Variants in FSTL5 observed in about 807,000 individuals in gnomAD.
FSTL5 encodes the protein follistatin-related protein 5.
A neutral mutation model predicts 89.1 loss-of-function variants in FSTL5; 62 were observed. The ratio of observed to expected loss-of-function variants is 0.70; its 90% CI spans 0.57 to 0.86. FSTL5 has a LOEUF of 0.86. Ranked by LOEUF, FSTL5 falls within the 40% of genes least tolerant of loss-of-function variation. The probability of loss-of-function intolerance (pLI) is 0.00; values close to 1 mark genes in which losing one functional copy is unlikely to be tolerated. For missense variants in FSTL5, 1,057 were observed against 1,001.6 expected, an observed-to-expected ratio of 1.06 and a Z score of -0.75; for synonymous variants, 383 against 346.2, an observed-to-expected ratio of 1.11 and a Z score of -1.18.
At chr4:161,548,321 C>A (rs1732074504) in intron 8 of FSTL5, among the ~76,000 whole-genome samples, 1 of 151,590 alleles carries the variant, frequency 6.6e-6, no homozygotes. Flanking sequence ...ATGTACTGTT[C>A]AATAATGAAA....
intron 4 of FSTL5, among the ~76,000 whole-genome samples, chr4:161,888,590 C>G (rs1313259012): frequency 6.6e-6 from 1 of 152,116 alleles, no homozygotes; most frequent in Non-Finnish European, 1.5e-5. Flanking sequence ...AGAAATTTCA[C>G]TGACATTTTC....
chr4:162,128,443 G>C (rs1732168541), intron 1 of FSTL5, among the ~76,000 whole-genome samples: 1 of 152,124 alleles, frequency 6.6e-6, no homozygotes. Flanking sequence ...TATGAAAAAG[G>C]GTTAAGAGTG....
At chr4:161,434,309 AAC>A (rs549314220) in intron 15 of FSTL5, among the ~76,000 whole-genome samples, 1 of 152,186 alleles carries the variant, frequency 6.6e-6, no homozygotes, top group African/African-American at 2.4e-5. Flanking sequence ...TTCAGGAAAA[AAC>A]AGTTTCTTCA....
At chr4:161,771,549 T>TA (rs1185526244) in intron 5 of FSTL5, among the ~76,000 whole-genome samples, 5 of 152,112 alleles carry the variant, frequency 3.3e-5, no homozygotes, top group Admixed American at 3.3e-4. Context: ...AGATAACTTA[T>TA]AAAAAATATC....
intron 4 of FSTL5, among the ~76,000 whole-genome samples, chr4:161,780,362 T>C (rs1264748325): frequency 6.6e-6 from 1 of 152,084 alleles, no homozygotes; most frequent in African/African-American, 2.4e-5. Flanking sequence ...GTTACTTTGA[T>C]AGAATCATTT....
intron 8 of FSTL5, among the ~76,000 whole-genome samples, chr4:161,579,161 T>C (rs1733339354): frequency 6.6e-6 from 1 of 152,178 alleles, no homozygotes; most frequent in South Asian, 2.1e-4. Flanking sequence ...AGAAGTTAAA[T>C]GTTTGATAAT....
intron 15 of FSTL5, among the ~76,000 whole-genome samples, chr4:161,415,654 A>G (rs1250782028): frequency 3.3e-5 from 4 of 122,360 alleles, no homozygotes; most frequent in Admixed American, 8.3e-5. Context: ...TAGGGGATAC[A>G]TATATATATA....
chr4:161,388,545 C>G (rs536653747), intron 15 of FSTL5: 1 of 152,124 alleles, frequency 6.6e-6, no homozygotes, highest in Admixed American at 6.5e-5. Context: ...TAATGAACTC[C>G]ATTTACTATA....
chr4:161,824,009 T>C (rs930572030), intron 4 of FSTL5, among the ~76,000 whole-genome samples: 1 of 152,226 alleles, frequency 6.6e-6, no homozygotes, highest in African/African-American at 2.4e-5. Flanking sequence ...AGAAGGTTTT[T>C]ATTTTAATTA....
intron 4 of FSTL5, among the ~76,000 whole-genome samples, chr4:161,837,227 A>T (rs1731075447): frequency 6.6e-6 from 1 of 152,156 alleles, no homozygotes; most frequent in South Asian, 2.1e-4. Flanking sequence ...TAAGTATGAG[A>T]TTTGAAAGAT....
At chr4:161,440,857 G>A (rs1407417935) in intron 15 of FSTL5, among the ~76,000 whole-genome samples, 1 of 152,090 alleles carries the variant, frequency 6.6e-6, no homozygotes, top group Non-Finnish European at 1.5e-5. Context: ...GGCACCCATT[G>A]AGCATGATAG....
intron 12 of FSTL5, among the ~76,000 whole-genome samples, chr4:161,486,004 C>T (rs1729664015): frequency 6.6e-6 from 1 of 151,830 alleles, no homozygotes; most frequent in African/African-American, 2.4e-5. Context: ...ATTAGCCAGG[C>T]ACGGTGGTGC....
At chr4:161,476,321 G>A (rs141734086) in intron 13 of FSTL5, among the ~76,000 whole-genome samples, 3,540 of 151,630 alleles carry the variant, frequency 0.023, 116 homozygotes, top group African/African-American at 0.075. Flanking sequence ...CCAAGTAGCC[G>A]GGATTACAGG....
chr4:161,785,630 C>T (rs1056372392), intron 4 of FSTL5, among the ~76,000 whole-genome samples: 6 of 152,208 alleles, frequency 3.9e-5, no homozygotes, highest in Non-Finnish European at 5.9e-5. Flanking sequence ...AAATGTATAT[C>T]AAGCAGCCAT....
chr4:161,434,039 C>A lies in FSTL5; in HGVS notation c.1841+20965G>T, dbSNP rs554802493. On this transcript the variant is annotated intron_variant, in intron 15 of 15. Coordinates refer to ENST00000306100, the MANE Select transcript of FSTL5 (RefSeq NM_020116.5). ...AATACCAATGACATTCTTCTCGAAA[C>A]AGAAAAAAGAAACCCTAAAATGTAT... 2.6e-5 allele frequency among the ~76,000 whole-genome samples: 4 copies of A among 151,972 alleles called. No homozygotes were observed. In the South Asian group the frequency reaches 8.3e-4, roughly 32 times the overall value.
chr4:161,834,061 C>T (rs1730944914), intron 4 of FSTL5, among the ~76,000 whole-genome samples: 1 of 152,146 alleles, frequency 6.6e-6, no homozygotes. Flanking sequence ...CAATAAAATA[C>T]TGGCAAAAAG....
intron 8 of FSTL5, among the ~76,000 whole-genome samples, chr4:161,579,652 G>A (rs963210612): frequency 5.9e-5 from 9 of 151,570 alleles, no homozygotes; most frequent in Admixed American, 5.3e-4. Flanking sequence ...GGGAGGCAGA[G>A]GTTGCAGTGA....
At chr4:161,419,369 T>A (rs1403736319) in intron 15 of FSTL5, among the ~76,000 whole-genome samples, 1 of 152,070 alleles carries the variant, frequency 6.6e-6, no homozygotes, top group Non-Finnish European at 1.5e-5. Context: ...CATAGCATTT[T>A]AAAAATAAGG....
chr4:161,765,235 T>G (rs1391279975), intron 5 of FSTL5, among the ~76,000 whole-genome samples: 3 of 152,192 alleles, frequency 2.0e-5, no homozygotes, highest in Non-Finnish European at 4.4e-5. Context: ...TGGACAAACA[T>G]CATTATGCTT....
Sources: allele counts gnomAD v4.1 joint callset (sites outside exome capture counted in the v4.1 genomes callset), GRCh38; gene constraint gnomAD v4.1.1; transcripts MANE v1.5; gene names NCBI Gene and HGNC (gene_info 2026-07-23, HGNC 2026-07-21).